The following CLDN10 variants were observed in gnomAD, a reference collection of about 807,000 sequenced individuals.
CLDN10 encodes claudin-10.
A neutral mutation model predicts 22.9 loss-of-function variants in CLDN10; 15 were observed. That is an observed-to-expected ratio of 0.65 (90% CI 0.44 to 1.01). The LOEUF (loss-of-function observed/expected upper bound fraction) is 1.01. Ranked by LOEUF, CLDN10 falls within the 50% of genes least tolerant of loss-of-function variation. CLDN10 has a pLI of 0.00. For missense variants in CLDN10, 247 were observed against 287.8 expected (o/e 0.86, Z 1.03); for synonymous variants, 114 against 111.4 (o/e 1.02, Z -0.15).
intron 1 of CLDN10, among the ~76,000 whole-genome samples, chr13:95,453,315 G>GT (rs2042450079): frequency 6.6e-6 from 1 of 152,128 alleles, no homozygotes; most frequent in Non-Finnish European, 1.5e-5. Flanking sequence ...CTTGTCAGCA[G>GT]GACTGGGCTG....
chr13:95,532,764 T>C (rs1397017415), intron 1 of CLDN10, among the ~76,000 whole-genome samples: 3 of 108,624 alleles, frequency 2.8e-5, no homozygotes, highest in African/African-American at 7.1e-5. Context: ...CAAACTGTGA[T>C]AGCTTCAGAT....
At chr13:95,491,287 G>A (rs1204087818) in intron 1 of CLDN10, among the ~76,000 whole-genome samples, 1 of 151,916 alleles carries the variant, frequency 6.6e-6, no homozygotes, top group Non-Finnish European at 1.5e-5. Context: ...TCCTCCTCAG[G>A]AACATTGATT....
At chr13:95,458,489 G>A (rs1050095778) in intron 1 of CLDN10, among the ~76,000 whole-genome samples, 4 of 152,206 alleles carry the variant, frequency 2.6e-5, no homozygotes, top group Admixed American at 1.3e-4. Flanking sequence ...GGTGGAAGGT[G>A]AAGGGGAAGC....
chr13:95,448,140 G>A (rs529080982), intron 1 of CLDN10, among the ~76,000 whole-genome samples: 2 of 151,972 alleles, frequency 1.3e-5, no homozygotes, highest in Non-Finnish European at 2.9e-5. Flanking sequence ...ACACCAGGCA[G>A]GTTCTACAGC....
In CLDN10 at chr13:95,453,733, G is replaced by A. The variant is rs150211130; in HGVS notation, c.214+19686G>A. On this transcript the variant is annotated intron_variant, in intron 1 of 4. Transcript: ENST00000376873. Reference sequence around the variant, plus strand: ...AGCAAGCACAGAGATTAAAAACTACGTGTTTTATGCTAACACTGCTTCTAG... The same window carrying A: ...AGCAAGCACAGAGATTAAAAACTACATGTTTTATGCTAACACTGCTTCTAG... Among the ~76,000 whole-genome samples, 112 of 151,778 alleles carry A rather than the reference G, an allele frequency of 7.4e-4. No homozygotes were observed. The South Asian group carries it at 7.9e-3, about 11-fold the overall frequency.
At chr13:95,455,368 A>G (rs2042472900) in intron 1 of CLDN10, among the ~76,000 whole-genome samples, 1 of 152,224 alleles carries the variant, frequency 6.6e-6, no homozygotes, top group African/African-American at 2.4e-5. Flanking sequence ...TTAAAGGTGT[A>G]AGGGAATTGT....
intron 1 of CLDN10, among the ~76,000 whole-genome samples, chr13:95,530,506 C>T (rs11619109): frequency 0.49 from 74,349 of 151,846 alleles, 18,315 homozygotes; most frequent in African/African-American, 0.5. Flanking sequence ...CCACTCTTCG[C>T]CCTTCCCTGC....
At chr13:95,501,974 A>C (rs903371945) in intron 1 of CLDN10, among the ~76,000 whole-genome samples, 1 of 152,080 alleles carries the variant, frequency 6.6e-6, no homozygotes, top group African/African-American at 2.4e-5. Flanking sequence ...TGTTCTAGGG[A>C]TTACAATTTA....
chr13:95,503,141 C>T (rs2138543090), intron 1 of CLDN10, among the ~76,000 whole-genome samples: 1 of 152,128 alleles, frequency 6.6e-6, no homozygotes, highest in Non-Finnish European at 1.5e-5. Context: ...GATATTTGCC[C>T]ATTGGAGATA....
intron 1 of CLDN10, among the ~76,000 whole-genome samples, chr13:95,540,054 C>T (rs924209822): frequency 1.3e-5 from 2 of 152,046 alleles, no homozygotes; most frequent in South Asian, 2.1e-4. Flanking sequence ...AATTCCAGCA[C>T]TTTGGGAGGC....
At chr13:95,463,041 A>T (rs4337172) in intron 1 of CLDN10, among the ~76,000 whole-genome samples, 24,352 of 151,796 alleles carry the variant, frequency 0.16, 2,534 homozygotes, top group Non-Finnish European at 0.24. Context: ...TGCTTCTGAA[A>T]TGTTTCTCAT....
upstream of CLDN10, among the ~76,000 whole-genome samples, chr13:95,550,155 G>A (rs1203964506): frequency 6.6e-6 from 1 of 152,174 alleles, no homozygotes; most frequent in Admixed American, 6.5e-5. Flanking sequence ...GTTCCAAGCA[G>A]GAATTCAGAA....
intron 1 of CLDN10, among the ~76,000 whole-genome samples, chr13:95,541,635 T>C (rs962320): frequency 0.83 from 126,422 of 152,154 alleles, 52,736 homozygotes; most frequent in East Asian, 0.94. Flanking sequence ...TTTTGAGACT[T>C]GTTTTGACAC....
At chr13:95,504,252 C>T (rs1335890627) in intron 1 of CLDN10, among the ~76,000 whole-genome samples, 1 of 152,220 alleles carries the variant, frequency 6.6e-6, no homozygotes, top group Non-Finnish European at 1.5e-5. Flanking sequence ...GACAGGAAAA[C>T]AGGAATATTC....
At chr13:95,460,047 A>G (rs910111158) in intron 1 of CLDN10, among the ~76,000 whole-genome samples, 2 of 152,212 alleles carry the variant, frequency 1.3e-5, no homozygotes, top group African/African-American at 4.8e-5. Context: ...GGGCAGGGGC[A>G]AAGTGCTTCC....
At chr13:95,434,531 A>C (rs906216530) in intron 1 of CLDN10, among the ~76,000 whole-genome samples, 2 of 100,630 alleles carry the variant, frequency 2.0e-5, no homozygotes, top group Admixed American at 9.1e-5. Flanking sequence ...GTATATATAT[A>C]TGCACACGTG....
chr13:95,507,613 CTGCAAAAAAAAAAA>C (rs1011605038), intron 1 of CLDN10, among the ~76,000 whole-genome samples: 2 of 150,770 alleles, frequency 1.3e-5, no homozygotes, highest in Non-Finnish European at 1.5e-5. Context: ...ATAGTGACAC[CTGCAAAAAAAAAAA>C]TTTTTTTTTT....
intron 3 of CLDN10, among the ~76,000 whole-genome samples, chr13:95,561,929 ATT>A (rs1034744786): frequency 1.8e-4 from 25 of 135,780 alleles, no homozygotes; most frequent in Admixed American, 2.2e-4. Context: ...CAACCAGATA[ATT>A]TTTTTTTTTT....
At chr13:95,554,447 TAA>T (rs1375639454) in intron 1 of CLDN10, among the ~76,000 whole-genome samples, 1 of 152,166 alleles carries the variant, frequency 6.6e-6, no homozygotes, top group Non-Finnish European at 1.5e-5. Flanking sequence ...TGCAGAATAA[TAA>T]AGTTTTCTCC....
Sources: gnomAD v4.1 joint callset for allele counts (sites outside exome capture counted in the v4.1 genomes callset) on GRCh38, gnomAD v4.1.1 for gene constraint, MANE v1.5 for transcripts, NCBI Gene and HGNC (gene_info 2026-07-23, HGNC 2026-07-21) for gene names.